INTS9: variants seen among roughly 807,000 people sequenced by gnomAD.
INTS9 encodes integrator complex subunit 9.
INTS9 carries 55 observed loss-of-function variants against 79.7 expected under a neutral mutation model. That is an observed-to-expected ratio of 0.69 (90% CI 0.56 to 0.86). INTS9 has a LOEUF of 0.86. Among genes scored for constraint, INTS9 ranks in the 40% least tolerant of loss-of-function variants. The pLI is 0.00. For synonymous variants in INTS9, 319 were observed against 325.2 expected, an observed-to-expected ratio of 0.98 and a Z score of 0.20; for missense variants, 721 against 831.5, an observed-to-expected ratio of 0.87 and a Z score of 1.64.
intron 1 of INTS9, chr8:28,862,265 A>T: frequency 1.0e-6 from 1 of 961,124 alleles, no homozygotes; most frequent in Non-Finnish European, 1.2e-6. Context: ...CTACAATCAC[A>T]CCAATCTGAT....
chr8:28,888,701 G>A (rs1258746351), intron 1 of INTS9, among the ~76,000 whole-genome samples: 1 of 152,166 alleles, frequency 6.6e-6, no homozygotes, highest in Admixed American at 6.5e-5. Context: ...AAGGTTTAGT[G>A]ACCCGCATCC....
At chr8:28,780,641 C>A in intron 12 of INTS9, 182 bp downstream of exon 12, 1 of 985,412 alleles carries the variant, frequency 1.0e-6, no homozygotes, top group Non-Finnish European at 1.2e-6. Context: ...GCCCAGCTGT[C>A]CAATGGCACA....
chr8:28,775,981 T>G (rs1220231635), intron 13 of INTS9, 55 bp from the exon 14 acceptor site: 8 of 1,399,526 alleles, frequency 5.7e-6, no homozygotes, highest in Middle Eastern at 2.4e-4. Context: ...GTGGCCCCTG[T>G]GGAAGGCCCA....
chr8:28,786,654 A>G (rs979254546), intron 11 of INTS9, among the ~76,000 whole-genome samples: 3 of 152,138 alleles, frequency 2.0e-5, no homozygotes, highest in Non-Finnish European at 2.9e-5. Flanking sequence ...TTCAATGTAT[A>G]CTTTAGGAAC....
chr8:28,889,606 T>C (rs1461110720), intron 1 of INTS9, among the ~76,000 whole-genome samples: 4 of 152,058 alleles, frequency 2.6e-5, no homozygotes. Context: ...ACAGAGTTCA[T>C]GGGCGAAGGA....
intron 14 of INTS9, among the ~76,000 whole-genome samples, chr8:28,773,336 T>C (rs369994398): frequency 4.5e-4 from 68 of 151,144 alleles, no homozygotes; most frequent in Middle Eastern, 6.9e-3. Context: ...TGGTGGCGGG[T>C]GCCTGTGGTC....
At chr8:28,801,283 T>C (rs2130991675) in intron 8 of INTS9, among the ~76,000 whole-genome samples, 1 of 151,566 alleles carries the variant, frequency 6.6e-6, no homozygotes, top group East Asian at 1.9e-4. Flanking sequence ...AGCCCAGGAG[T>C]TTGAAACCAG....
At chr8:28,806,568 C>T (rs1390472828) in intron 8 of INTS9, among the ~76,000 whole-genome samples, 2 of 152,112 alleles carry the variant, frequency 1.3e-5, no homozygotes, top group African/African-American at 4.8e-5. Context: ...ACAGTGAATA[C>T]ACATTCTTTT....
Position 28,768,202 on chromosome 8 carries a change from C to A in INTS9, c.1921G>T (p.Glu641Ter), listed in dbSNP as rs138182549. The A allele has an allele frequency of 6.2e-7, 1 of 1,614,182 alleles. No homozygotes were observed. The highest frequency in any genetic ancestry group is 8.5e-7 in the Non-Finnish European group (1 of 1,180,040). ...DSTHIICDNDEMLRVRLRDLV... is the reference protein window; with the variant it reads ...DSTHIICDND ...TCCCGCAGTCGCACTCTGAGCATCT[C>A]GTCATTGTCGCAGATGATATGGGTC... is the stretch of plus-strand genomic sequence containing the variant. Residue 641 changes from glutamate to a stop codon, truncating the protein, a stop_gained, in exon 17 of 17, where the codon GAG becomes TAG. Coordinates refer to ENST00000521022, the MANE Select transcript of INTS9 (RefSeq NM_018250.4). LOFTEE classifies it high-confidence loss of function.
At chr8:28,804,175 C>G (rs1031881369) in intron 8 of INTS9, among the ~76,000 whole-genome samples, 5 of 152,192 alleles carry the variant, frequency 3.3e-5, no homozygotes, top group Non-Finnish European at 5.9e-5. Context: ...ATCCTCCCAC[C>G]TTGGCCTCCC....
chr8:28,851,126 A>G (rs1807803795), intron 2 of INTS9, among the ~76,000 whole-genome samples: 1 of 152,164 alleles, frequency 6.6e-6, no homozygotes, highest in Admixed American at 6.5e-5. Flanking sequence ...GTTGGATGGT[A>G]AAAGGATTTC....
At chr8:28,808,966 T>C (rs1244352245) in intron 8 of INTS9, among the ~76,000 whole-genome samples, 2 of 151,576 alleles carry the variant, frequency 1.3e-5, no homozygotes, top group Non-Finnish European at 3.0e-5. Context: ...TTTTTTTTTT[T>C]TGAGACAGGG....
intron 1 of INTS9, among the ~76,000 whole-genome samples, chr8:28,881,883 G>A (rs1367817093): frequency 2.8e-5 from 4 of 144,872 alleles, no homozygotes; most frequent in East Asian, 2.1e-4. Context: ...GGTGAGGGGC[G>A]CTTCTGCCCG....
At chr8:28,863,739 G>A (rs1408716914) in intron 1 of INTS9, among the ~76,000 whole-genome samples, 1 of 152,126 alleles carries the variant, frequency 6.6e-6, no homozygotes, top group South Asian at 2.1e-4. Flanking sequence ...TTGAGATCAC[G>A]CCACTGCACA....
chr8:28,795,639 CAAAAAAAAAAAAAAAAA>C (rs56910832), intron 9 of INTS9, among the ~76,000 whole-genome samples: 2 of 70,806 alleles, frequency 2.8e-5, no homozygotes, highest in Admixed American at 1.9e-4. Flanking sequence ...GACTCCGTCT[CAAAAAAAAAAAAAAAAA>C]AAAAAAAAAA....
intron 14 of INTS9, among the ~76,000 whole-genome samples, chr8:28,773,087 T>C (rs1275328223): frequency 3.3e-5 from 5 of 152,104 alleles, no homozygotes; most frequent in Non-Finnish European, 7.4e-5. Context: ...CTTATGGAAA[T>C]AAACATATAT....
intron 8 of INTS9, among the ~76,000 whole-genome samples, chr8:28,808,446 A>C (rs1804935608): frequency 1.3e-5 from 2 of 152,112 alleles, no homozygotes; most frequent in African/African-American, 2.4e-5. Context: ...GGTCTCCCAA[A>C]GTGCTAGGAT....
At chr8:28,782,297 C>A (rs1803314394) in intron 11 of INTS9, among the ~76,000 whole-genome samples, 1 of 152,186 alleles carries the variant, frequency 6.6e-6, no homozygotes, top group African/African-American at 2.4e-5. Flanking sequence ...GTTTGAAGTA[C>A]AAGTGACTTT....
At chr8:28,845,019 T>C (rs1807423370) in intron 4 of INTS9, among the ~76,000 whole-genome samples, 1 of 152,216 alleles carries the variant, frequency 6.6e-6, no homozygotes. Flanking sequence ...AAGTGGACTT[T>C]CCCAGTTCAA....
Sources: allele counts gnomAD v4.1 joint callset (sites outside exome capture counted in the v4.1 genomes callset), GRCh38; gene constraint gnomAD v4.1.1; transcripts MANE v1.5; gene names NCBI Gene and HGNC (gene_info 2026-07-23, HGNC 2026-07-21).